Variants in POLN observed in about 807,000 individuals in gnomAD.
POLN encodes the protein DNA polymerase nu.
In POLN, 108 loss-of-function variants were observed where a neutral mutation model predicts 113.5. That is an observed-to-expected ratio of 0.95 (90% CI 0.81 to 1.12). The LOEUF is 1.12. POLN is among the 50% of genes most tolerant of loss of function. The probability of loss-of-function intolerance (pLI) is 0.00; values close to 1 mark genes in which losing one functional copy is unlikely to be tolerated. For synonymous variants in POLN, 386 were observed against 391.5 expected, an observed-to-expected ratio of 0.99 and a Z score of 0.17; for missense variants, 1,097 against 1,077.1, an observed-to-expected ratio of 1.02 and a Z score of -0.26.
At chr4:2,152,564 AT>A (rs1274194348) in intron 16 of POLN, among the ~76,000 whole-genome samples, 1 of 151,884 alleles carries the variant, frequency 6.6e-6, no homozygotes, top group Admixed American at 6.6e-5. Context: ...ATTTTTAAAA[AT>A]ATTAGTCAAC....
chr4:2,196,052 C>T (rs1012125429), intron 6 of POLN, among the ~76,000 whole-genome samples: 2 of 152,068 alleles, frequency 1.3e-5, no homozygotes, highest in Non-Finnish European at 2.9e-5. Context: ...AATTGCATCA[C>T]TAAGGGAAGT....
chr4:2,235,641 T>C (rs1435876512), intron 2 of POLN, among the ~76,000 whole-genome samples: 1 of 152,208 alleles, frequency 6.6e-6, no homozygotes, highest in Non-Finnish European at 1.5e-5. Flanking sequence ...AAGCAAGTCA[T>C]TGAAGGATAC....
intron 13 of POLN, 82 bp from the exon 14 acceptor site, chr4:2,159,293 C>A: frequency 8.6e-7 from 1 of 1,159,484 alleles, no homozygotes; most frequent in South Asian, 1.3e-5. Context: ...AGAAAGTCCT[C>A]ATAATAAATG....
intron 20 of POLN, among the ~76,000 whole-genome samples, chr4:2,095,140 T>G (rs1577688262): frequency 7.4e-6 from 1 of 135,804 alleles, no homozygotes; most frequent in Non-Finnish European, 1.6e-5. Context: ...AGAAGAAGGG[T>G]GAGTGGAAGA....
chr4:2,160,727 T>C (rs1315431007), intron 13 of POLN, among the ~76,000 whole-genome samples: 1 of 152,312 alleles, frequency 6.6e-6, no homozygotes, highest in South Asian at 2.1e-4. Context: ...TATTTAATGA[T>C]GTCTTTTCAT....
intron 19 of POLN, among the ~76,000 whole-genome samples, chr4:2,107,777 T>C (rs1178615590): frequency 3.3e-5 from 5 of 152,186 alleles, no homozygotes; most frequent in Non-Finnish European, 5.9e-5. Context: ...TTTGAAATGC[T>C]TGTGGGACAG....
intron 21 of POLN, among the ~76,000 whole-genome samples, chr4:2,084,035 G>A (rs979573705): frequency 6.6e-6 from 1 of 152,242 alleles, no homozygotes; most frequent in African/African-American, 2.4e-5. Flanking sequence ...GGTGGCCAGA[G>A]AGGCATCTGA....
chr4:2,190,023 CAA>C (rs58730240), intron 7 of POLN, among the ~76,000 whole-genome samples: 7 of 86,124 alleles, frequency 8.1e-5, no homozygotes, highest in Non-Finnish European at 8.8e-5. Flanking sequence ...GACTCCATCT[CAA>C]AAAAAAAAAA....
At chr4:2,136,091 C>G (rs1332987978) in intron 16 of POLN, among the ~76,000 whole-genome samples, 1 of 152,192 alleles carries the variant, frequency 6.6e-6, no homozygotes. Flanking sequence ...GTTGACCACC[C>G]ATGAACATTT....
chr4:2,205,440 G>A (rs1343754430), intron 5 of POLN, among the ~76,000 whole-genome samples: 5 of 152,184 alleles, frequency 3.3e-5, no homozygotes, highest in Non-Finnish European at 7.3e-5. Context: ...AATCACAGAT[G>A]ACACAAACAA....
At chr4:2,208,962 T>A (rs1200202335) in intron 4 of POLN, among the ~76,000 whole-genome samples, 3 of 151,808 alleles carry the variant, frequency 2.0e-5, no homozygotes, top group Admixed American at 2.0e-4. Flanking sequence ...CACTCCAGCT[T>A]GGGTGACAAG....
At chr4:2,074,719 G>C (rs941524296) in intron 24 of POLN, among the ~76,000 whole-genome samples, 1 of 152,104 alleles carries the variant, frequency 6.6e-6, no homozygotes, top group East Asian at 1.9e-4. Context: ...TGACGCCCCC[G>C]TGCCTCTTCT....
At position 2,148,670 on chromosome 4, in the gene POLN, C is replaced by CG. The variant is rs763357915; in HGVS notation, c.1731+8117_1731+8118insC. On this transcript the variant is annotated intron_variant, in intron 16 of 25. Coordinates refer to ENST00000511885, the MANE Select transcript of POLN (RefSeq NM_181808.4). ...CGACAGAGCGAGACTCTGTCCCCCC[C>CG]CCAAAAAAAAAAAGTATGTGAATAA... 2.1e-4 allele frequency among the ~76,000 whole-genome samples: 13 copies of CG among 62,736 alleles called. No individual in the cohort carries two copies. In the East Asian group the frequency reaches 3.8e-3, roughly 19 times the overall value. 41.2% of individuals were successfully genotyped at this position (62,736 alleles called of 152,430 possible).
intron 20 of POLN, among the ~76,000 whole-genome samples, chr4:2,086,539 G>A (rs1730554991): frequency 6.6e-6 from 1 of 152,140 alleles, no homozygotes; most frequent in African/African-American, 2.4e-5. Context: ...GCTAAGGCAT[G>A]GGAAGTTCTA....
chr4:2,104,048 C>T (rs1380832865), intron 19 of POLN, among the ~76,000 whole-genome samples: 1 of 152,188 alleles, frequency 6.6e-6, no homozygotes, highest in East Asian at 1.9e-4. Context: ...ACTGGTAAAG[C>T]AATCACACAA....
At chr4:2,212,689 G>A (rs559301925) in intron 4 of POLN, among the ~76,000 whole-genome samples, 1 of 152,072 alleles carries the variant, frequency 6.6e-6, no homozygotes, top group African/African-American at 2.4e-5. Flanking sequence ...TCCAGCCTAG[G>A]TCGATCACCT....
At chr4:2,110,447 A>G (rs1731163927) in intron 19 of POLN, among the ~76,000 whole-genome samples, 1 of 152,242 alleles carries the variant, frequency 6.6e-6, no homozygotes, top group African/African-American at 2.4e-5. Context: ...GAATGAATCC[A>G]GGACCTGGTT....
chr4:2,161,022 A>T (rs561849089), intron 13 of POLN, among the ~76,000 whole-genome samples: 3 of 152,024 alleles, frequency 2.0e-5, no homozygotes, highest in African/African-American at 7.2e-5. Context: ...TGTGAGACAC[A>T]CTCTCTCTCC....
chr4:2,176,136 C>T (rs1577742832), intron 9 of POLN, 130 bp downstream of exon 9: 7 of 753,370 alleles, frequency 9.3e-6, no homozygotes, highest in Admixed American at 7.4e-5. Context: ...GAGTAATGCA[C>T]AGGTTAATTT....
Sources: gnomAD v4.1 joint callset for allele counts (sites outside exome capture counted in the v4.1 genomes callset) on GRCh38, gnomAD v4.1.1 for gene constraint, MANE v1.5 for transcripts, NCBI Gene and HGNC (gene_info 2026-07-23, HGNC 2026-07-21) for gene names.